The following SHC4 variants were observed in gnomAD, a reference collection of about 807,000 sequenced individuals.
SHC4 encodes the protein SHC adaptor protein 4.
SHC4 carries 41 observed loss-of-function variants against 69.4 expected under a neutral mutation model. The ratio of observed to expected loss-of-function variants is 0.59; its 90% CI spans 0.46 to 0.77. The LOEUF (loss-of-function observed/expected upper bound fraction) is 0.77, where lower values mean the gene tolerates loss of function less well. Among genes scored for constraint, SHC4 ranks in the 30% least tolerant of loss-of-function variants. The pLI is 0.00. For synonymous variants in SHC4, 318 were observed against 299.3 expected (o/e 1.06, Z -0.64); for missense variants, 777 against 783.8 (o/e 0.99, Z 0.10).
chr15:48,881,099 T>C (rs1899936256), intron 4 of SHC4, among the ~76,000 whole-genome samples: 1 of 151,574 alleles, frequency 6.6e-6, no homozygotes. Context: ...AAAGAAGATT[T>C]TGAGTACACG....
chr15:48,835,843 T>C (rs1365677293), intron 10 of SHC4, among the ~76,000 whole-genome samples: 1 of 152,082 alleles, frequency 6.6e-6, no homozygotes, highest in Non-Finnish European at 1.5e-5. Flanking sequence ...ATATACATTA[T>C]GTTGTTTAAC....
intron 2 of SHC4, among the ~76,000 whole-genome samples, chr15:48,896,541 A>G (rs1328958151): frequency 6.6e-6 from 1 of 152,000 alleles, no homozygotes; most frequent in Non-Finnish European, 1.5e-5. Context: ...GGCTGGTCTC[A>G]AACTCCTGAC....
chr15:48,843,150 A>C lies in SHC4; in HGVS notation c.1483+259T>G, dbSNP rs543917041. On this transcript the variant is annotated intron_variant, in intron 10 of 11. Coordinates refer to ENST00000332408, the MANE Select transcript of SHC4 (RefSeq NM_203349.4). Reference sequence around the variant, plus strand: ...GATCAAGAAATAGAGACACAGGGGCAGTCAATATGAAGACAGTTGCAGAGA... The same window carrying C: ...GATCAAGAAATAGAGACACAGGGGCCGTCAATATGAAGACAGTTGCAGAGA... 7.2e-5 allele frequency among the ~76,000 whole-genome samples: 11 copies of C among 152,324 alleles called. No homozygotes were observed. The South Asian group carries it at 2.3e-3, about 32-fold the overall frequency.
At chr15:48,833,413 G>A (rs867361395) in intron 11 of SHC4, among the ~76,000 whole-genome samples, 24 of 152,160 alleles carry the variant, frequency 1.6e-4, no homozygotes, top group African/African-American at 5.8e-4. Flanking sequence ...GGCATCCAAG[G>A]TATGCCAGCT....
chr15:48,890,702 G>A, intron 3 of SHC4, 46 bp downstream of exon 3: 5 of 1,602,798 alleles, frequency 3.1e-6, no homozygotes, highest in Non-Finnish European at 4.3e-6. Context: ...TACTATCTTT[G>A]CCATAATTAG....
rs1231912553 is a variant in SHC4, at chr15:48,869,723, T to C, written c.895-1854A>G. Among the ~76,000 whole-genome samples, 4 of 152,160 alleles carry C rather than the reference T, an allele frequency of 2.6e-5. 1 individual carries two copies. The highest frequency in any genetic ancestry group is 6.3e-3 in the Middle Eastern group (2 of 316). On this transcript the variant is annotated intron_variant, in intron 5 of 11. Coordinates refer to ENST00000332408, the MANE Select transcript of SHC4 (RefSeq NM_203349.4). The stretch of plus-strand genomic sequence containing the variant: ...ACCTGATGGTAAAACTTCATAGAGA[T>C]GATTTCTAATGCCAATGCTTAGGGT...
intron 10 of SHC4, among the ~76,000 whole-genome samples, chr15:48,841,497 C>T (rs1399225544): frequency 1.3e-5 from 2 of 152,226 alleles, no homozygotes; most frequent in East Asian, 1.9e-4. Context: ...AGCTGACCAG[C>T]CCTTCTGGCT....
intron 1 of SHC4, among the ~76,000 whole-genome samples, chr15:48,928,854 TAA>T (rs1900902881): frequency 6.6e-6 from 1 of 151,876 alleles, no homozygotes; most frequent in Non-Finnish European, 1.5e-5. Flanking sequence ...GCCAAGGGAA[TAA>T]AAAGAGGTAC....
At chr15:48,856,660 T>C (rs1899322163) in intron 7 of SHC4, among the ~76,000 whole-genome samples, 2 of 151,512 alleles carry the variant, frequency 1.3e-5, no homozygotes, top group South Asian at 4.2e-4. Context: ...ATTAGAACCA[T>C]ATGTGGCAAG....
At chr15:48,922,546 G>T (rs1900770507) in intron 2 of SHC4, among the ~76,000 whole-genome samples, 1 of 152,152 alleles carries the variant, frequency 6.6e-6, no homozygotes, top group South Asian at 2.1e-4. Context: ...ATGCTCCCTT[G>T]CACCTTTTAT....
chr15:48,894,298 G>C (rs1262074774), intron 2 of SHC4, among the ~76,000 whole-genome samples: 2 of 152,142 alleles, frequency 1.3e-5, no homozygotes, highest in Non-Finnish European at 1.5e-5. Context: ...TTTTGTTTCT[G>C]ATTCTACCGA....
At chr15:48,849,749 T>C (rs761264693) in intron 9 of SHC4, among the ~76,000 whole-genome samples, 1 of 152,246 alleles carries the variant, frequency 6.6e-6, no homozygotes, top group Non-Finnish European at 1.5e-5. Context: ...GAAGGAAATA[T>C]GGCTGTCAGA....
In SHC4 at chr15:48,962,512, A is replaced by G; in HGVS notation, c.504T>C (p.Pro168=). 5 of 1,578,846 alleles carry G rather than the reference A, an allele frequency of 3.2e-6. No homozygotes were observed. The highest frequency in any genetic ancestry group is 4.3e-6 in the Non-Finnish European group (5 of 1,162,964). The change falls in exon 1 of 12, where the codon CCT becomes CCC. Residue 168 remains proline (P), a synonymous_variant. Coordinates refer to ENST00000332408, the MANE Select transcript of SHC4 (RefSeq NM_203349.4). ...LTPDSCPLPG[P]GEPTLRSRQD... is the part of the protein sequence containing the mutation. ...GCCTGCTCCTAAGTGTTGGCTCCCC[A>G]GGGCCAGGAAGCGGGCACGAATCAG...
At chr15:48,958,360 C>T (rs1901488003) in intron 1 of SHC4, among the ~76,000 whole-genome samples, 1 of 152,164 alleles carries the variant, frequency 6.6e-6, no homozygotes, top group African/African-American at 2.4e-5. Flanking sequence ...GAGTGAGACA[C>T]ACCTGGTTAG....
chr15:48,846,332 T>C (rs749109634), intron 9 of SHC4, among the ~76,000 whole-genome samples: 69 of 152,146 alleles, frequency 4.5e-4, no homozygotes, highest in Non-Finnish European at 7.2e-4. Flanking sequence ...AGTGAAATAA[T>C]GTTGGTGAGA....
At chr15:48,898,052 T>C (rs181171249) in intron 2 of SHC4, among the ~76,000 whole-genome samples, 13 of 152,330 alleles carry the variant, frequency 8.5e-5, no homozygotes, top group African/African-American at 3.1e-4. Flanking sequence ...ATGAAGAGAC[T>C]GAGTAATTCA....
At chr15:48,913,715 G>A (rs529320313) in intron 2 of SHC4, among the ~76,000 whole-genome samples, 1 of 152,234 alleles carries the variant, frequency 6.6e-6, no homozygotes, top group South Asian at 2.1e-4. Context: ...CCTCCCGATG[G>A]ATCCCTGTGG....
intron 9 of SHC4, among the ~76,000 whole-genome samples, chr15:48,847,380 A>G (rs1899113184): frequency 6.6e-6 from 1 of 152,196 alleles, no homozygotes; most frequent in Non-Finnish European, 1.5e-5. Context: ...GGGAAACATT[A>G]TTCTATTTTG....
In SHC4 at chr15:48,843,539, C is replaced by A; in HGVS notation, c.1353G>T (p.Leu451Phe). Residue 451 changes from leucine to phenylalanine, a missense_variant, in exon 10 of 12, where the codon TTG (leucine) becomes TTT (phenylalanine). Transcript: ENST00000332408. ...AGAGATCCACTCGGCACGTGTGCTT[C>A]AATAATGAGGTATCTCGCTGGGACT... ...GVQSQRDTSL[L>F]KHTCRVDLFD... The A allele has an allele frequency of 6.2e-7, 1 of 1,614,108 alleles. No homozygotes were observed. The highest frequency in any genetic ancestry group is 1.1e-5 in the South Asian group (1 of 91,078).
Sources: gnomAD v4.1 joint callset for allele counts (sites outside exome capture counted in the v4.1 genomes callset) on GRCh38, gnomAD v4.1.1 for gene constraint, MANE v1.5 for transcripts, NCBI Gene and HGNC (gene_info 2026-07-23, HGNC 2026-07-21) for gene names.